Variants in SUSD4 observed in about 807,000 individuals in gnomAD.
The protein encoded by SUSD4 is sushi domain containing 4, also known as sushi domain-containing protein 4.
In SUSD4, 41 loss-of-function variants were observed where a neutral mutation model predicts 50.5. The observed-to-expected ratio is 0.81, with a 90% confidence interval of 0.63 to 1.05. The LOEUF (loss-of-function observed/expected upper bound fraction) is 1.05. Ranked by LOEUF, SUSD4 falls within the 50% of genes least tolerant of loss-of-function variation. SUSD4 has a pLI of 0.00. For synonymous variants in SUSD4, 257 were observed against 257.3 expected (o/e 1.00, Z 0.01); for missense variants, 580 against 634.7 (o/e 0.91, Z 0.93).
At chr1:223,314,942 G>A (rs1407291919) in intron 2 of SUSD4, among the ~76,000 whole-genome samples, 2 of 152,322 alleles carry the variant, frequency 1.3e-5, no homozygotes, top group East Asian at 1.9e-4. Flanking sequence ...TTCTCCCCTA[G>A]AACAAAGATT....
intron 5 of SUSD4, among the ~76,000 whole-genome samples, chr1:223,261,345 CA>C (rs1662108703): frequency 6.6e-6 from 1 of 152,178 alleles, no homozygotes; most frequent in Non-Finnish European, 1.5e-5. Flanking sequence ...GTTAAATAGA[CA>C]ATGTACCTTG....
rs1046413666 is a variant in SUSD4 at position 223,235,181 on chromosome 1, T to C, written c.725-5793A>G. On this transcript the variant is annotated intron_variant, in intron 5 of 8. Transcript: ENST00000366878. ...AAAAAAAAACCTAAAGCCCTTTTCTTTCTAAAAAAAATAAAGACTTTATTT... is the reference window on the plus strand; with the variant it reads ...AAAAAAAAACCTAAAGCCCTTTTCTCTCTAAAAAAAATAAAGACTTTATTT... 4 of 1,411,262 alleles carry C rather than the reference T, an allele frequency of 2.8e-6. No individual in the cohort carries two copies. The African/African-American group carries it at 6.1e-5, about 22-fold the overall frequency. The allele number at this position is 1,411,262 out of a possible 1,614,324, so 87.4% of individuals were successfully genotyped here.
chr1:223,364,911 TGA>T (rs1386643480), upstream of SUSD4, among the ~76,000 whole-genome samples: 1 of 152,114 alleles, frequency 6.6e-6, no homozygotes, highest in Non-Finnish European at 1.5e-5. This position sits in a 1 kb window ranked among gnomAD's most constrained non-coding sequence, Gnocchi z 4.5. Flanking sequence ...CTGAGGCGGC[TGA>T]GAGACACTCT....
At chr1:223,358,786 G>A (rs1159851623) in intron 2 of SUSD4, 1 of 184,014 alleles carries the variant, frequency 5.4e-6, no homozygotes, top group African/African-American at 2.3e-5. Context: ...TATTAAGGTA[G>A]CCTTTTGTTG....
chr1:223,336,701 T>A (rs1234558096), intron 2 of SUSD4, among the ~76,000 whole-genome samples: 1 of 152,062 alleles, frequency 6.6e-6, no homozygotes, highest in Non-Finnish European at 1.5e-5. Context: ...AGAGCTTTAA[T>A]CCTTTTTTTT....
At chr1:223,349,180 GA>G (rs764997174) in intron 2 of SUSD4, among the ~76,000 whole-genome samples, 2 of 151,920 alleles carry the variant, frequency 1.3e-5, no homozygotes, top group Non-Finnish European at 2.9e-5. Context: ...ATCAGAGAAA[GA>G]AAAAAGAACA....
intron 4 of SUSD4, among the ~76,000 whole-genome samples, chr1:223,266,777 G>C (rs1243570713): frequency 6.6e-6 from 1 of 152,166 alleles, no homozygotes; most frequent in African/African-American, 2.4e-5. Context: ...TCACTCTTAG[G>C]GCCAATTACA....
At chr1:223,228,516 G>A (rs968258191) in intron 6 of SUSD4, among the ~76,000 whole-genome samples, 1 of 151,754 alleles carries the variant, frequency 6.6e-6, no homozygotes, top group African/African-American at 2.4e-5. Flanking sequence ...AGGAGACAGT[G>A]GGTGTGTGCT....
At chr1:223,304,413 T>C (rs924795432) in intron 2 of SUSD4, among the ~76,000 whole-genome samples, 2 of 152,112 alleles carry the variant, frequency 1.3e-5, no homozygotes, top group Non-Finnish European at 2.9e-5. Flanking sequence ...TCTCCCTACA[T>C]AGTAGGTCCT....
chr1:223,239,512 C>T (rs1430067756), intron 5 of SUSD4, among the ~76,000 whole-genome samples: 1 of 152,022 alleles, frequency 6.6e-6, no homozygotes, highest in Non-Finnish European at 1.5e-5. Flanking sequence ...CTTAGCATAT[C>T]AGCTATATTT....
intron 3 of SUSD4, among the ~76,000 whole-genome samples, chr1:223,280,670 C>T (rs1439804132): frequency 1.3e-5 from 2 of 152,122 alleles, no homozygotes; most frequent in African/African-American, 4.8e-5. Context: ...CAACATTACA[C>T]AGACCAACGA....
At chr1:223,356,256 C>A (rs747516489) in intron 2 of SUSD4, among the ~76,000 whole-genome samples, 2 of 151,558 alleles carry the variant, frequency 1.3e-5, no homozygotes, top group South Asian at 2.1e-4. Flanking sequence ...GGGCCAAATT[C>A]TTTCCTAAAA....
At chr1:223,321,587 C>T (rs1273100665) in intron 2 of SUSD4, among the ~76,000 whole-genome samples, 3 of 152,178 alleles carry the variant, frequency 2.0e-5, no homozygotes, top group Non-Finnish European at 4.4e-5. Context: ...CTTTCTAATG[C>T]CATGTTTCTA....
At chr1:223,255,073 T>C (rs1220512134) in intron 5 of SUSD4, among the ~76,000 whole-genome samples, 1 of 152,120 alleles carries the variant, frequency 6.6e-6, no homozygotes, top group Admixed American at 6.6e-5. Context: ...GGGAACAAAA[T>C]GGCAAAAGGG....
At chr1:223,255,257 A>G (rs1320784582) in intron 5 of SUSD4, among the ~76,000 whole-genome samples, 1 of 152,182 alleles carries the variant, frequency 6.6e-6, no homozygotes, top group Admixed American at 6.5e-5. Context: ...GATTCTTTTG[A>G]GAATAAGATC....
At chr1:223,259,376 CA>C (rs1342895617) in intron 5 of SUSD4, among the ~76,000 whole-genome samples, 1 of 152,174 alleles carries the variant, frequency 6.6e-6, no homozygotes, top group African/African-American at 2.4e-5. Context: ...TCTAATTTAG[CA>C]CTTAGGGCAA....
chr1:223,280,313 C>G (rs1029389243), intron 3 of SUSD4, among the ~76,000 whole-genome samples: 2 of 152,082 alleles, frequency 1.3e-5, no homozygotes, highest in African/African-American at 4.8e-5. Context: ...AGAGTCAAGA[C>G]CCATCAATGT....
chr1:223,239,350 A>T (rs957104038), intron 5 of SUSD4, among the ~76,000 whole-genome samples: 2 of 151,986 alleles, frequency 1.3e-5, no homozygotes, highest in African/African-American at 4.8e-5. Context: ...GTGGTTATTG[A>T]TATAGTTGAG....
At position 223,249,552 on chromosome 1, in the gene SUSD4, A is replaced by G. The variant is rs1395551052; in HGVS notation, c.724+15078T>C. Among the ~76,000 whole-genome samples the G allele has an allele frequency of 5.3e-5, 8 of 152,188 alleles. 1 individual carries two copies. On this transcript the variant is annotated intron_variant, in intron 5 of 8. Transcript: ENST00000366878. ...TAATAGATGAGGAAATACATAATTG[A>G]GTAGTGAGTTAAGAAGAGGAGGAAG...
Sources: gnomAD v4.1 joint callset for allele counts (sites outside exome capture counted in the v4.1 genomes callset) on GRCh38, gnomAD v4.1.1 for gene constraint, Gnocchi (gnomAD v3.1) non-coding constraint, MANE v1.5 for transcripts, NCBI Gene and HGNC (gene_info 2026-07-23, HGNC 2026-07-21) for gene names.